The following SYNJ1 variants were observed in gnomAD, a reference collection of about 807,000 sequenced individuals.
The protein encoded by SYNJ1 is polyphosphatidylinositol phosphatase SYNJ1.
SYNJ1 carries 78 observed loss-of-function variants against 168.2 expected under a neutral mutation model. That is an observed-to-expected ratio of 0.46 (90% CI 0.39 to 0.56). The LOEUF (loss-of-function observed/expected upper bound fraction) is 0.56, where lower values mean the gene tolerates loss of function less well. Among genes scored for constraint, SYNJ1 ranks in the 20% least tolerant of loss-of-function variants. The pLI, the probability that SYNJ1 is intolerant of heterozygous loss-of-function variation, is 0.00. For missense variants in SYNJ1, 1,303 were observed against 1,597.6 expected (o/e 0.82, Z 3.14); for synonymous variants, 539 against 548.6 (o/e 0.98, Z 0.24).
At chr21:32,642,008 A>G (rs1233680496) in intron 28 of SYNJ1, 42 bp from the exon 29 acceptor site, 1 of 1,612,724 alleles carries the variant, frequency 6.2e-7, no homozygotes, top group East Asian at 2.2e-5. Context: ...GTTTAAAAAA[A>G]TAAACAAGAA....
At chr21:32,637,747 T>C (rs753102882) in intron 31 of SYNJ1, among the ~76,000 whole-genome samples, 17 of 152,200 alleles carry the variant, frequency 1.1e-4, no homozygotes, top group Non-Finnish European at 1.9e-4. Context: ...TAAAAAAATA[T>C]AGAATTCTTT....
In SYNJ1 at chr21:32,656,865, C is replaced by G; in HGVS notation, c.2617G>C (p.Val873Leu). The G allele has an allele frequency of 6.2e-7, 1 of 1,614,154 alleles. No homozygotes were observed. Among genetic ancestry groups the G allele is most frequent in the Non-Finnish European group, 8.5e-7 (1 of 1,180,024 alleles). Residue 873 changes from valine (V) to leucine (L), a missense_variant, in exon 21 of 33, where the codon GTT (valine) becomes CTT (leucine). Coordinates refer to ENST00000674351, the MANE Select transcript of SYNJ1 (RefSeq NM_203446.3). ...VALIDIDIFE[V>L]EAEERQNIYK... ...ATGTTTTGCCTCTCTTCAGCTTCAA[C>G]TTCAAATATATCTATATCAATCAGG...
chr21:32,694,397 T>C (rs2042132075), intron 5 of SYNJ1, 86 bp from the exon 6 acceptor site: 9 of 927,104 alleles, frequency 9.7e-6, no homozygotes, highest in Non-Finnish European at 1.4e-5. Context: ...TAAAATCTAT[T>C]GCATACTAGT....
intron 6 of SYNJ1, among the ~76,000 whole-genome samples, chr21:32,690,127 C>T (rs1043358817): frequency 6.6e-6 from 1 of 152,178 alleles, no homozygotes; most frequent in African/African-American, 2.4e-5. Context: ...TGTTTTCCAC[C>T]ACTCTGTTCC....
chr21:32,632,770 T>C (rs2039396171), intron 32 of SYNJ1, among the ~76,000 whole-genome samples: 1 of 152,242 alleles, frequency 6.6e-6, no homozygotes, highest in African/African-American at 2.4e-5. Flanking sequence ...CTATAATCCC[T>C]GCACTTTGTA....
At chr21:32,653,442 G>A in intron 21 of SYNJ1, 76 bp from the exon 22 acceptor site, 1 of 1,176,690 alleles carries the variant, frequency 8.5e-7, no homozygotes, top group Non-Finnish European at 1.2e-6. Context: ...CATGATTATT[G>A]ATCATTAACA....
intron 17 of SYNJ1, among the ~76,000 whole-genome samples, chr21:32,665,725 C>A (rs2040901069): frequency 6.6e-6 from 1 of 152,202 alleles, no homozygotes; most frequent in Admixed American, 6.5e-5. Context: ...GAGGCTATAT[C>A]ATGGCCACAT....
At chr21:32,670,214 ATTAC>A (rs2041134602) in intron 15 of SYNJ1, 70 bp downstream of exon 15, 7 of 1,173,012 alleles carry the variant, frequency 6.0e-6, no homozygotes, top group Non-Finnish European at 8.7e-6. Flanking sequence ...CCTTGTAACA[ATTAC>A]TTAATTATCT....
At position 32,692,484 on chromosome 21, in the gene SYNJ1, G is replaced by A. The variant is rs145474764; in HGVS notation, c.789+1744C>T. On this transcript the variant is annotated intron_variant, in intron 6 of 32. Transcript: ENST00000674351. The stretch of plus-strand genomic sequence containing the variant: ...CCCAGCTCTCGGGAGGCTGAGGTAG[G>A]AGAATTGCTTGACCCTGGGAGGCGG... Among the ~76,000 whole-genome samples, 1,248 of 152,246 alleles carry A rather than the reference G, an allele frequency of 8.2e-3. 29 individuals carry two copies. The highest frequency in any genetic ancestry group is 0.029 in the African/African-American group (1,197 of 41,524).
intron 26 of SYNJ1, among the ~76,000 whole-genome samples, chr21:32,644,727 T>C (rs2145767447): frequency 6.6e-6 from 1 of 152,286 alleles, no homozygotes; most frequent in East Asian, 1.9e-4. Flanking sequence ...AAAATTAATA[T>C]AACTTTTGGG....
intron 4 of SYNJ1, among the ~76,000 whole-genome samples, chr21:32,697,814 C>T (rs2042264769): frequency 2.0e-5 from 3 of 152,150 alleles, no homozygotes; most frequent in Admixed American, 2.0e-4. Context: ...AATCAACCAA[C>T]CATCCAATTA....
In SYNJ1 at chr21:32,666,577, C is replaced by A. The variant is rs763863900; in HGVS notation, c.1812-4G>T. 3.1e-6 allele frequency: 5 copies of A among 1,600,642 alleles called. No homozygotes were observed. Among genetic ancestry groups the A allele is most frequent in the Admixed American group, 1.8e-5 (1 of 56,120 alleles). ...CCAGAGCTTCTGATTTGTTGTGCTA[C>A]AAGAAAATATTAAAAAGAGAATTTT... is the stretch of plus-strand genomic sequence containing the variant. On this transcript the variant is annotated splice_polypyrimidine_tract_variant and splice_region_variant and intron_variant, in intron 15 of 32. Transcript: ENST00000674351.
chr21:32,651,021 A>G (rs1350093164), intron 22 of SYNJ1, among the ~76,000 whole-genome samples: 2 of 152,248 alleles, frequency 1.3e-5, no homozygotes, highest in African/African-American at 4.8e-5. Context: ...CAACCAAGAC[A>G]TTATAATCAA....
chr21:32,694,485 C>T (rs979641625), intron 5 of SYNJ1, among the ~76,000 whole-genome samples, 174 bp from the exon 6 acceptor site: 2 of 151,796 alleles, frequency 1.3e-5, no homozygotes, highest in East Asian at 1.9e-4. Context: ...TTTCTGTTAG[C>T]GATATTAACC....
intron 13 of SYNJ1, among the ~76,000 whole-genome samples, chr21:32,675,393 AT>A (rs2041366545): frequency 6.6e-6 from 1 of 152,186 alleles, no homozygotes. Flanking sequence ...AGTCAAAAAA[AT>A]AAAATAAAAT....
intron 4 of SYNJ1, among the ~76,000 whole-genome samples, chr21:32,697,039 C>G (rs1250056852): frequency 1.3e-5 from 2 of 152,202 alleles, no homozygotes; most frequent in African/African-American, 4.8e-5. Flanking sequence ...AAGAAACTTA[C>G]TTGTCCTCAT....
In SYNJ1 at chr21:32,727,946, C is replaced by G. The variant is rs1195858283; in HGVS notation, c.-23G>C. On this transcript the variant is annotated splice_region_variant and 5_prime_UTR_variant, in exon 1 of 33. Coordinates refer to ENST00000674351, the MANE Select transcript of SYNJ1 (RefSeq NM_203446.3). ...CCCCGCCCCCCGCCGGCTTGCTCAC[C>G]TCTTCCTCCGGCTCCTCCTCCTCCT... 2.6e-6 allele frequency: 4 copies of G among 1,533,396 alleles called. No homozygotes were observed. In the African/African-American group the frequency reaches 4.1e-5, roughly 16 times the overall value. 95.0% of individuals were successfully genotyped at this position (1,533,396 alleles called of 1,614,324 possible). A position where few individuals can be genotyped will look rare whatever the true frequency, so the allele number is the denominator to read the frequency against.
At chr21:32,635,625 T>C (rs2039533439) in intron 31 of SYNJ1, among the ~76,000 whole-genome samples, 1 of 152,170 alleles carries the variant, frequency 6.6e-6, no homozygotes, top group Admixed American at 6.5e-5. Context: ...AGGGATGTCA[T>C]TATTAGAGAA....
chr21:32,649,572 C>G (rs2040198501), intron 23 of SYNJ1, among the ~76,000 whole-genome samples: 1 of 152,156 alleles, frequency 6.6e-6, no homozygotes, highest in Non-Finnish European at 1.5e-5. Context: ...GGAACTTCTA[C>G]TTTTTTACCT....
Sources: gnomAD v4.1 joint callset for allele counts (sites outside exome capture counted in the v4.1 genomes callset) on GRCh38, gnomAD v4.1.1 for gene constraint, MANE v1.5 for transcripts, NCBI Gene and HGNC (gene_info 2026-07-23, HGNC 2026-07-21) for gene names.